Variants in GNAT3 observed in about 807,000 individuals in gnomAD.
GNAT3 encodes guanine nucleotide-binding protein G(t) subunit alpha-3.
A neutral mutation model predicts 37.7 loss-of-function variants in GNAT3; 31 were observed. The observed-to-expected ratio is 0.82, with a 90% CI of 0.62 to 1.11. GNAT3 has a LOEUF of 1.11. Ranked by LOEUF, GNAT3 falls within the 50% of genes most tolerant of loss-of-function variation. The pLI is 0.00. For synonymous variants in GNAT3, 138 were observed against 139.8 expected (o/e 0.99, Z 0.09); for missense variants, 437 against 412.5 (o/e 1.06, Z -0.51).
intron 2 of GNAT3, among the ~76,000 whole-genome samples, chr7:80,493,264 T>C (rs757289375): frequency 2.6e-5 from 4 of 152,010 alleles, no homozygotes; most frequent in Non-Finnish European, 4.4e-5. Flanking sequence ...ACTGTGGAAA[T>C]GTTATAAATG....
chr7:80,500,752 TATTTA>T (rs1424975796), intron 1 of GNAT3, among the ~76,000 whole-genome samples: 1 of 152,180 alleles, frequency 6.6e-6, no homozygotes, highest in South Asian at 2.1e-4. Flanking sequence ...TAAGGAATTT[TATTTA>T]ATTATTTTTT....
At chr7:80,511,074 T>C (rs781751664) in intron 1 of GNAT3, among the ~76,000 whole-genome samples, 14 of 152,126 alleles carry the variant, frequency 9.2e-5, no homozygotes, top group Admixed American at 2.6e-4. Context: ...TGTTTTATGC[T>C]TTATAGAAAA....
chr7:80,478,237 A>C (rs1341152160), intron 4 of GNAT3, among the ~76,000 whole-genome samples: 1 of 152,226 alleles, frequency 6.6e-6, no homozygotes, highest in Non-Finnish European at 1.5e-5. Context: ...AATCACTTTG[A>C]TAATGAAATT....
rs933325355 is a variant in GNAT3, at chr7:80,511,860, G to A, written c.67C>T (p.Leu23Phe). The A allele has an allele frequency of 6.2e-7, 1 of 1,612,224 alleles. No individual in the cohort carries two copies. The highest frequency in any genetic ancestry group is 8.5e-7 in the Non-Finnish European group (1 of 1,178,978). The change falls in exon 1 of 8, where the codon CTT becomes TTT. Residue 23 changes from leucine (L) to phenylalanine (F), a missense_variant. Physicochemically the swap from Leu to Phe is conservative, Grantham distance 22 (BLOSUM62 0). Coordinates refer to ENST00000398291, the MANE Select transcript of GNAT3 (RefSeq NM_001102386.3). Reference protein sequence around the residue: ...AKRSKELEKKLQEDAERDART... With the variant: ...AKRSKELEKKFQEDAERDART... The stretch of plus-strand genomic sequence containing the variant: ...GCATCTCGCTCAGCATCCTCCTGAA[G>A]CTTTTTCTCCAGTTCTTTTGATCTT...
intron 3 of GNAT3, among the ~76,000 whole-genome samples, chr7:80,481,046 T>C (rs1202291043): frequency 6.6e-6 from 1 of 152,158 alleles, no homozygotes; most frequent in African/African-American, 2.4e-5. Flanking sequence ...TTATTATTAT[T>C]TTGAATTGAC....
intron 5 of GNAT3, among the ~76,000 whole-genome samples, chr7:80,473,967 A>G (rs1383099970): frequency 2.0e-5 from 3 of 152,092 alleles, no homozygotes; most frequent in Non-Finnish European, 2.9e-5. Flanking sequence ...TTTTTTCCCC[A>G]AAGTACAGTG....
At chr7:80,477,607 T>A (rs1165202989) in intron 4 of GNAT3, among the ~76,000 whole-genome samples, 1 of 152,176 alleles carries the variant, frequency 6.6e-6, no homozygotes, top group East Asian at 1.9e-4. Context: ...CTCTCCCTAA[T>A]CATTCTGTCC....
Position 80,511,906 on chromosome 7 carries a change from T to G in GNAT3, c.21A>C (p.Ser7=). 1 of 1,610,724 alleles carries G rather than the reference T, an allele frequency of 6.2e-7. No individual in the cohort carries two copies. The highest frequency in any genetic ancestry group is 8.5e-7 in the Non-Finnish European group (1 of 1,177,800). MGSGIS[S]ESKESAKRSK... ...ATCTTTTGGCTGACTCCTTGCTCTCTGAACTAATTCCACTTCCCATCTTGT... is the reference window on the plus strand; with the variant it reads ...ATCTTTTGGCTGACTCCTTGCTCTCGGAACTAATTCCACTTCCCATCTTGT... Residue 7 remains serine (S), a synonymous_variant, in exon 1 of 8, where the codon TCA becomes TCC. Transcript: ENST00000398291.
intron 7 of GNAT3, among the ~76,000 whole-genome samples, chr7:80,461,291 T>A (rs1790045621): frequency 1.3e-5 from 2 of 152,096 alleles, no homozygotes; most frequent in South Asian, 4.1e-4. Flanking sequence ...CTCACACCTG[T>A]AATCCCAGCA....
chr7:80,488,990 T>A (rs978742849), intron 2 of GNAT3, among the ~76,000 whole-genome samples: 1 of 152,016 alleles, frequency 6.6e-6, no homozygotes, highest in African/African-American at 2.4e-5. Context: ...AAGAGAAAAA[T>A]TTCTAGATTC....
chr7:80,462,375 T>C lies in GNAT3; in HGVS notation c.721-63A>G, dbSNP rs1013767157. On this transcript the variant is annotated intron_variant, in intron 6 of 7. Transcript: ENST00000398291. ...ATTTGCAAAATGTGAATGTTGAGCA[T>C]CATGAACAAGGATCTAGAACTAACA... 25 of 1,563,922 alleles carry C rather than the reference T, an allele frequency of 1.6e-5. No individual in the cohort carries two copies. The African/African-American group carries it at 3.0e-4, about 19-fold the overall frequency.
intron 5 of GNAT3, among the ~76,000 whole-genome samples, chr7:80,468,084 G>A (rs749778461): frequency 3.3e-5 from 5 of 151,952 alleles, no homozygotes; most frequent in South Asian, 2.1e-4. Flanking sequence ...AGTGACAGTC[G>A]AACACTGATT....
intron 1 of GNAT3, among the ~76,000 whole-genome samples, chr7:80,500,526 G>C (rs768796770): frequency 3.3e-5 from 5 of 151,960 alleles, no homozygotes; most frequent in Admixed American, 6.6e-5. Context: ...TTGAAGAGAA[G>C]GTCAAGGGCA....
At position 80,488,747 on chromosome 7, in the gene GNAT3, G is replaced by A. The variant is rs561958233; in HGVS notation, c.162-71C>T. The A allele has an allele frequency of 1.0e-5, 12 of 1,156,398 alleles. No individual in the cohort carries two copies. The Admixed American group carries it at 2.6e-4, about 25-fold the overall frequency. 71.6% of individuals were successfully genotyped at this position (1,156,398 alleles called of 1,614,324 possible). ...GTAACACTAAAGCACATCCAACTAA[G>A]TTGCTTGAATAAAATTACAGTATAT... On this transcript the variant is annotated intron_variant, in intron 2 of 7. Coordinates refer to ENST00000398291, the MANE Select transcript of GNAT3 (RefSeq NM_001102386.3).
At chr7:80,484,373 G>A (rs1562726392) in intron 3 of GNAT3, among the ~76,000 whole-genome samples, 1 of 152,090 alleles carries the variant, frequency 6.6e-6, no homozygotes, top group East Asian at 1.9e-4. Flanking sequence ...AGTAATATTG[G>A]TTGAAAATTT....
intron 1 of GNAT3, among the ~76,000 whole-genome samples, chr7:80,508,272 CA>C (rs55901024): frequency 0.068 from 9,975 of 146,872 alleles, 1,053 homozygotes; most frequent in African/African-American, 0.22. Context: ...TGGAAATTTG[CA>C]AAAAAAACAA....
At chr7:80,497,588 A>ACACACACTGTCT (rs1562732806) in intron 1 of GNAT3, among the ~76,000 whole-genome samples, 9 of 135,214 alleles carry the variant, frequency 6.7e-5, no homozygotes, top group East Asian at 2.3e-4. Flanking sequence ...ACGTATATAC[A>ACACACACTGTCT]TATACGTATA....
At chr7:80,498,391 A>G (rs1223175524) in intron 1 of GNAT3, among the ~76,000 whole-genome samples, 3 of 152,122 alleles carry the variant, frequency 2.0e-5, no homozygotes, top group African/African-American at 7.2e-5. Flanking sequence ...TTTTCCCTTG[A>G]AAGCCTTTAA....
At chr7:80,481,740 T>C (rs1254930551) in intron 3 of GNAT3, among the ~76,000 whole-genome samples, 1 of 152,124 alleles carries the variant, frequency 6.6e-6, no homozygotes, top group Non-Finnish European at 1.5e-5. Context: ...ATATTTGCCA[T>C]CTATTGCCTC....
Sources: gnomAD v4.1 joint callset for allele counts (sites outside exome capture counted in the v4.1 genomes callset) on GRCh38, gnomAD v4.1.1 for gene constraint, MANE v1.5 for transcripts, NCBI Gene and HGNC (gene_info 2026-07-23, HGNC 2026-07-21) for gene names.